The following JMJD1C variants were observed in gnomAD, a reference collection of about 807,000 sequenced individuals.
JMJD1C encodes the protein jumonji domain containing 1C.
Under a neutral mutation model 245.3 loss-of-function variants are expected in JMJD1C, and 31 were observed. That is an observed-to-expected ratio of 0.13 (90% confidence interval 0.09 to 0.17). The LOEUF is 0.17. JMJD1C is among the 10% of genes least tolerant of loss of function. JMJD1C has a pLI of 1.00. For missense variants in JMJD1C, 2,691 were observed against 3,000.2 expected, an observed-to-expected ratio of 0.90 and a Z score of 2.41; for synonymous variants, 1,057 against 1,017.4, an observed-to-expected ratio of 1.04 and a Z score of -0.74.
At chr10:63,392,810 C>T (rs961146893) in intron 1 of JMJD1C, among the ~76,000 whole-genome samples, 1 of 115,910 alleles carries the variant, frequency 8.6e-6, no homozygotes, top group African/African-American at 3.5e-5. Flanking sequence ...GGTGACAGAG[C>T]GAGACTTCGT....
intron 2 of JMJD1C, among the ~76,000 whole-genome samples, chr10:63,347,469 C>A (rs1943948356): frequency 6.6e-6 from 1 of 151,120 alleles, no homozygotes. Context: ...CCTGTAGTCC[C>A]AGCTACTTGG....
rs910791847 is a variant in JMJD1C at position 63,230,984 on chromosome 10, T to C, written c.448-11001A>G. Among the ~76,000 whole-genome samples, 9 of 152,278 alleles carry C rather than the reference T, an allele frequency of 5.9e-5. 1 individual carries two copies. The South Asian group carries it at 6.2e-4, about 11-fold the overall frequency. On this transcript the variant is annotated intron_variant, in intron 3 of 25. Transcript: ENST00000399262. ...ACATAATATAATAAAATCTAAAAAT[T>C]ACCAGATTTATCATCATTGTTAAGT...
chr10:63,354,919 A>G (rs1234571511), intron 2 of JMJD1C, among the ~76,000 whole-genome samples: 2 of 150,074 alleles, frequency 1.3e-5, no homozygotes, highest in Non-Finnish European at 3.0e-5. Context: ...GCTACTTGGG[A>G]GGCTGAGGTG....
At chr10:63,171,037 G>T (rs1589039198) in intron 24 of JMJD1C, among the ~76,000 whole-genome samples, 1 of 152,170 alleles carries the variant, frequency 6.6e-6, no homozygotes. Context: ...AACTTAGTGT[G>T]GAAAGATTTT....
At chr10:63,335,004 A>G (rs1298942045) in intron 2 of JMJD1C, among the ~76,000 whole-genome samples, 1 of 140,586 alleles carries the variant, frequency 7.1e-6, no homozygotes, top group Non-Finnish European at 1.5e-5. Flanking sequence ...CACCATGCCC[A>G]GCCAAGACTC....
chr10:63,319,144 C>A, intron 2 of JMJD1C, among the ~76,000 whole-genome samples: 1 of 151,120 alleles, frequency 6.6e-6, no homozygotes, highest in East Asian at 2.0e-4. Context: ...GTAGTCCCAG[C>A]TACTCGGGAG....
intron 1 of JMJD1C, among the ~76,000 whole-genome samples, chr10:63,396,822 A>T (rs1948521936): frequency 6.6e-6 from 1 of 151,846 alleles, no homozygotes; most frequent in Non-Finnish European, 1.5e-5. Flanking sequence ...TATAAAATTT[A>T]AAAAAGGAAA....
chr10:63,507,644 C>CAAAAAAAAAAAAAAAAAAAAAAAAAAAA lies in JMJD1C; in HGVS notation n.113+14093_113+14094insTTTTTTTTTTTTTTTTTTTTTTTTTTTT, dbSNP rs34738955. Among the ~76,000 whole-genome samples, 4 of 58,766 alleles carry CAAAAAAAAAAAAAAAAAAAAAAAAAAAA rather than the reference C, an allele frequency of 6.8e-5. 1 individual carries two copies. The highest frequency in any genetic ancestry group is 9.7e-5 in the African/African-American group (1 of 10,332). The allele number at this position is 58,766 out of a possible 152,430, so 38.6% of individuals were successfully genotyped here. A position where few individuals can be genotyped will look rare whatever the true frequency, so the allele number is the denominator to read the frequency against. Reference sequence around the variant, plus strand: ...TGGGCAACAGAGTAAGACTCTGTCTCAAAAAAAAAAAAAAAAAAACAGTGG... The same window carrying CAAAAAAAAAAAAAAAAAAAAAAAAAAAA: ...TGGGCAACAGAGTAAGACTCTGTCTCAAAAAAAAAAAAAAAAAAAAAAAAAAAAAAAAAAAAAAAAAAAAAAACAGTGG... On this transcript the variant is annotated intron_variant and non_coding_transcript_variant, in intron 1 of 3. Coordinates refer to the JMJD1C transcript ENST00000633035.
chr10:63,319,255 T>TAAAAAAAAA (rs59018554), intron 2 of JMJD1C, among the ~76,000 whole-genome samples: 3 of 85,938 alleles, frequency 3.5e-5, no homozygotes, highest in African/African-American at 1.3e-4. Context: ...AGACTCCATC[T>TAAAAAAAAA]AAAAAAAAAA....
At chr10:63,340,931 G>A (rs1943317826) in intron 2 of JMJD1C, among the ~76,000 whole-genome samples, 2 of 152,054 alleles carry the variant, frequency 1.3e-5, no homozygotes, top group Admixed American at 1.3e-4. Context: ...GGCGAAAAGA[G>A]CAAGACTCCA....
At chr10:63,276,430 C>T (rs1317420340) in intron 2 of JMJD1C, among the ~76,000 whole-genome samples, 1 of 145,690 alleles carries the variant, frequency 6.9e-6, no homozygotes, top group Non-Finnish European at 1.5e-5. Flanking sequence ...CCCGCCACTG[C>T]ACTCCAGCCT....
upstream of JMJD1C, among the ~76,000 whole-genome samples, chr10:63,468,650 ATAAAT>A (rs1205978218): frequency 3.3e-5 from 5 of 152,236 alleles, no homozygotes; most frequent in African/African-American, 9.6e-5. Flanking sequence ...AATTAGACAT[ATAAAT>A]TAGATTTTCT....
intron 16 of JMJD1C, 73 bp downstream of exon 16, chr10:63,192,865 T>C (rs1844999836): frequency 1.8e-6 from 2 of 1,124,722 alleles, no homozygotes; most frequent in Non-Finnish European, 2.7e-6. Context: ...AGTACTTTAT[T>C]GTACAATAGT....
rs1488670825 is a variant in JMJD1C at position 63,356,294 on chromosome 10, C to T, written c.333+24024G>A. ...ATACTAGATATTTTCTGGCATTACT[C>T]ACTAAAAAGTGGGAGATACAGACAC... On this transcript the variant is annotated intron_variant, in intron 2 of 25. Coordinates refer to ENST00000399262, the MANE Select transcript of JMJD1C (RefSeq NM_032776.3). Among the ~76,000 whole-genome samples, 3 of 152,338 alleles carry T rather than the reference C, an allele frequency of 2.0e-5. No individual in the cohort carries two copies. In the South Asian group the frequency reaches 6.2e-4, roughly 32 times the overall value.
intron 2 of JMJD1C, among the ~76,000 whole-genome samples, chr10:63,292,143 G>GTTTTTTTTTTTT (rs1396774570): frequency 9.6e-4 from 13 of 13,528 alleles, no homozygotes; most frequent in African/African-American, 2.6e-3. Context: ...TGTAGAGACA[G>GTTTTTTTTTTTT]ATTTTTTTTT....
intron 2 of JMJD1C, among the ~76,000 whole-genome samples, chr10:63,305,144 G>A (rs145328977): frequency 0.013 from 2,032 of 151,924 alleles, 30 homozygotes; most frequent in African/African-American, 0.034. Context: ...CGAGGCGGGC[G>A]GATCACAAGG....
intron 3 of JMJD1C, among the ~76,000 whole-genome samples, chr10:63,261,744 T>C (rs1038424105): frequency 1.8e-4 from 27 of 152,340 alleles, no homozygotes; most frequent in African/African-American, 6.0e-4. Flanking sequence ...CCTTAGTTTA[T>C]CATTCTGATT....
chr10:63,400,814 C>T (rs1188785224), intron 1 of JMJD1C, among the ~76,000 whole-genome samples: 2 of 150,212 alleles, frequency 1.3e-5, no homozygotes, highest in Non-Finnish European at 1.5e-5. Context: ...CCTTGCAATC[C>T]ACCCACCTTC....
intron 3 of JMJD1C, among the ~76,000 whole-genome samples, chr10:63,258,613 C>T (rs4511187): frequency 1.2e-4 from 19 of 152,184 alleles, no homozygotes. Context: ...ATTACCACCG[C>T]CACCACCAAC....
Sources: allele counts gnomAD v4.1 joint callset (sites outside exome capture counted in the v4.1 genomes callset), GRCh38; gene constraint gnomAD v4.1.1; transcripts MANE v1.5; gene names NCBI Gene and HGNC (gene_info 2026-07-23, HGNC 2026-07-21).